NLRC4: variants seen among roughly 807,000 people sequenced by gnomAD.
NLRC4 encodes NLR family CARD domain containing 4, also known as NLR family CARD domain-containing protein 4.
NLRC4 carries 63 observed loss-of-function variants against 79.9 expected under a neutral mutation model. That is an observed-to-expected ratio of 0.79 (90% CI 0.64 to 0.97). The LOEUF is 0.97. Among genes scored for constraint, NLRC4 ranks in the 50% least tolerant of loss-of-function variants. The pLI is 0.00. For missense variants in NLRC4, 1,074 were observed against 1,215.2 expected (o/e 0.88, Z 1.73); for synonymous variants, 461 against 456.5 (o/e 1.01, Z -0.12).
Position 32,237,022 on chromosome 2 carries a change from CGT to C in NLRC4, c.2522-685_2522-684del, listed in dbSNP as rs67087588. Reference sequence around the variant, plus strand: ...CCAGTTTTATGCTGTGTACAAAAGACGTGTTTGAATGACAAAGACACAAATAT... The same window carrying C: ...CCAGTTTTATGCTGTGTACAAAAGACGTTTGAATGACAAAGACACAAATAT... On this transcript the variant is annotated intron_variant, in intron 6 of 8. Transcript: ENST00000402280. 1.4e-4 allele frequency among the ~76,000 whole-genome samples: 21 copies of C among 152,186 alleles called. No individual in the cohort carries two copies. In the East Asian group the frequency reaches 4.1e-3, roughly 29 times the overall value.
At chr2:32,261,963 C>G (rs1687362040) in intron 1 of NLRC4, among the ~76,000 whole-genome samples, 2 of 151,932 alleles carry the variant, frequency 1.3e-5, no homozygotes, top group Admixed American at 1.3e-4. Flanking sequence ...CGCCTGTACT[C>G]CCAGCTACTC....
At chr2:32,247,710 G>C (rs1686970524) in intron 4 of NLRC4, among the ~76,000 whole-genome samples, 2 of 151,782 alleles carry the variant, frequency 1.3e-5, no homozygotes, top group Admixed American at 1.3e-4. Flanking sequence ...TACAGCTCTG[G>C]GAATCTTCCC....
intron 5 of NLRC4, among the ~76,000 whole-genome samples, chr2:32,240,361 G>C (rs923766735): frequency 6.8e-6 from 1 of 147,676 alleles, no homozygotes; most frequent in African/African-American, 2.5e-5. Context: ...AGGGAAGAGA[G>C]GAGTATTTTA....
chr2:32,233,345 ATATATTTTTT>A (rs1381159261), intron 8 of NLRC4, among the ~76,000 whole-genome samples: 3 of 63,750 alleles, frequency 4.7e-5, no homozygotes, highest in African/African-American at 2.3e-4. Flanking sequence ...ATATATATAT[ATATATTTTTT>A]TTTTTTTTTT....
At chr2:32,236,171 A>C in intron 7 of NLRC4, 76 bp downstream of exon 7, 1 of 892,336 alleles carries the variant, frequency 1.1e-6, no homozygotes, top group Non-Finnish European at 1.8e-6. Flanking sequence ...AAAAGACCTC[A>C]GGACCCAGGC....
At chr2:32,257,662 T>G (rs1687240154) in intron 1 of NLRC4, among the ~76,000 whole-genome samples, 1 of 146,898 alleles carries the variant, frequency 6.8e-6, no homozygotes, top group Non-Finnish European at 1.5e-5. Context: ...GTAGTTGGGC[T>G]GGGGTGGAGG....
At chr2:32,247,303 T>A (rs1261633210) in intron 4 of NLRC4, among the ~76,000 whole-genome samples, 4 of 150,706 alleles carry the variant, frequency 2.7e-5, no homozygotes, top group African/African-American at 9.7e-5. Context: ...GCGTATATAT[T>A]TATTTTTTTT....
chr2:32,239,964 C>T (rs74351057), intron 5 of NLRC4, among the ~76,000 whole-genome samples: 1 of 152,166 alleles, frequency 6.6e-6, no homozygotes, highest in African/African-American at 2.4e-5. Flanking sequence ...GAAAAGAAGT[C>T]AGCCATGTTT....
chr2:32,238,163 G>T lies in NLRC4; in HGVS notation c.2490C>A (p.Cys830Ter). ...CDLEEIQLVS[C>*]CLSANAVKIL... ...TTTTCACTGCATTTGCAGACAAGCA[G>T]CAGGAGACTAATTGAATTTCTTCAA... Residue 830 changes from cysteine to a stop codon, truncating the protein, a stop_gained, in exon 6 of 9, where the codon TGC becomes TGA. Coordinates refer to ENST00000402280, the MANE Select transcript of NLRC4 (RefSeq NM_001199138.2). LOFTEE classifies it high-confidence loss of function. 1.2e-6 allele frequency: 2 copies of T among 1,613,748 alleles called. No homozygotes were observed. Among genetic ancestry groups the T allele is most frequent in the Non-Finnish European group, 1.7e-6 (2 of 1,179,884 alleles).
chr2:32,260,043 A>G (rs1479146956), intron 1 of NLRC4, among the ~76,000 whole-genome samples: 1 of 152,104 alleles, frequency 6.6e-6, no homozygotes, highest in African/African-American at 2.4e-5. Context: ...AGCCTGGCCA[A>G]CATGGCGAAA....
rs550266888 is a variant in NLRC4, at chr2:32,255,535, A to T, written c.1+1240T>A. Among the ~76,000 whole-genome samples, 57 of 148,416 alleles carry T rather than the reference A, an allele frequency of 3.8e-4. 1 individual carries two copies. Among genetic ancestry groups the T allele is most frequent in the East Asian group, 2.8e-3 (14 of 5,056 alleles). On this transcript the variant is annotated intron_variant, in intron 2 of 8. Coordinates refer to ENST00000402280, the MANE Select transcript of NLRC4 (RefSeq NM_001199138.2). The stretch of plus-strand genomic sequence containing the variant: ...AACTCCGTCTCAAAAAAAAAAAAAA[A>T]AAATAAGAAATACAGCCTCAGAAAG...
At chr2:32,233,945 T>C (rs992901954) in intron 8 of NLRC4, among the ~76,000 whole-genome samples, 1 of 152,204 alleles carries the variant, frequency 6.6e-6, no homozygotes, top group African/African-American at 2.4e-5. Flanking sequence ...ATATTTGCTT[T>C]ATATATCTAG....
chr2:32,264,001 G>A (rs531379728), intron 1 of NLRC4, among the ~76,000 whole-genome samples: 12 of 152,224 alleles, frequency 7.9e-5, no homozygotes, highest in Non-Finnish European at 1.8e-4. Context: ...TAGGTGTCCC[G>A]TAAAGGGTGA....
At chr2:32,236,734 A>AT (rs1686681538) in intron 6 of NLRC4, among the ~76,000 whole-genome samples, 1 of 152,228 alleles carries the variant, frequency 6.6e-6, no homozygotes, top group Admixed American at 6.5e-5. Context: ...GCCGTTAATC[A>AT]TGCAGGAGAA....
At position 32,238,124 on chromosome 2, in the gene NLRC4, A is replaced by G. The variant is rs1448950576; in HGVS notation, c.2521+8T>C. The G allele has an allele frequency of 2.5e-6, 4 of 1,611,092 alleles. No homozygotes were observed. On this transcript the variant is annotated splice_region_variant and intron_variant, in intron 6 of 8. Transcript: ENST00000402280. Reference sequence around the variant, plus strand: ...TGTCCTCATTCAGTTAATGGAAGCAACAGTTACCTAGGATTTTCACTGCAT... The same window carrying G: ...TGTCCTCATTCAGTTAATGGAAGCAGCAGTTACCTAGGATTTTCACTGCAT...
intron 2 of NLRC4, among the ~76,000 whole-genome samples, chr2:32,256,257 T>A (rs1185956390): frequency 2.0e-5 from 3 of 152,164 alleles, no homozygotes; most frequent in Admixed American, 2.0e-4. Flanking sequence ...CATTATACAA[T>A]ATGGTAGTCA....
chr2:32,258,525 C>A (rs142593307), intron 1 of NLRC4, among the ~76,000 whole-genome samples: 1 of 152,116 alleles, frequency 6.6e-6, no homozygotes, highest in Non-Finnish European at 1.5e-5. Flanking sequence ...TCCCTTCCCC[C>A]CTTCCCTATC....
At chr2:32,232,368 C>T (rs1686557675) in intron 8 of NLRC4, among the ~76,000 whole-genome samples, 1 of 152,152 alleles carries the variant, frequency 6.6e-6, no homozygotes, top group Non-Finnish European at 1.5e-5. Context: ...CAGTTTTTCC[C>T]CAGTATCCTA....
intron 4 of NLRC4, among the ~76,000 whole-genome samples, chr2:32,249,216 G>A (rs1014594046): frequency 2.6e-5 from 4 of 152,192 alleles, no homozygotes; most frequent in Admixed American, 2.6e-4. Flanking sequence ...AAGCCGTCTT[G>A]GGCTATGTGC....
Sources: gnomAD v4.1 joint callset for allele counts (sites outside exome capture counted in the v4.1 genomes callset) on GRCh38, gnomAD v4.1.1 for gene constraint, MANE v1.5 for transcripts, NCBI Gene and HGNC (gene_info 2026-07-23, HGNC 2026-07-21) for gene names.